SNX30: variants seen among roughly 807,000 people sequenced by gnomAD.
SNX30 encodes the protein sorting nexin family member 30.
A neutral mutation model predicts 46.4 loss-of-function variants in SNX30; 24 were observed. That is an observed-to-expected ratio of 0.52 (90% CI 0.37 to 0.73). The LOEUF (loss-of-function observed/expected upper bound fraction) is 0.73, where lower values mean the gene tolerates loss of function less well. Ranked by LOEUF, SNX30 falls within the 30% of genes least tolerant of loss-of-function variation. The pLI, the probability that SNX30 is intolerant of heterozygous loss-of-function variation, is 0.00. For missense variants in SNX30, 533 were observed against 555.7 expected, an observed-to-expected ratio of 0.96 and a Z score of 0.41; for synonymous variants, 189 against 211.5, an observed-to-expected ratio of 0.89 and a Z score of 0.92.
At chr9:112,836,156 T>A in intron 4 of SNX30, 58 bp from the exon 5 acceptor site, 1 of 1,458,908 alleles carries the variant, frequency 6.9e-7, no homozygotes, top group Non-Finnish European at 9.2e-7. Context: ...GCTGTTTTAT[T>A]TAGTCCTGCC....
chr9:112,868,979 C>A lies in SNX30; in HGVS notation c.*136C>A. On this transcript the variant is annotated 3_prime_UTR_variant, in exon 9 of 9. Coordinates refer to ENST00000374232, the MANE Select transcript of SNX30 (RefSeq NM_001012994.2). ...TCTCTCCTTTGTGTATTTTTCCCTC[C>A]CCCACCTTTCACCCCACAGTGGTTT... 1 of 830,200 alleles carries A rather than the reference C, an allele frequency of 1.2e-6. No individual in the cohort carries two copies. The highest frequency in any genetic ancestry group is 2.0e-6 in the Non-Finnish European group (1 of 498,810). 51.4% of individuals were successfully genotyped at this position (830,200 alleles called of 1,614,324 possible). A position where few individuals can be genotyped will look rare whatever the true frequency, so the allele number is the denominator to read the frequency against.
intron 8 of SNX30, among the ~76,000 whole-genome samples, chr9:112,865,661 A>ATATATATATATGTG: frequency 3.8e-5 from 4 of 105,700 alleles, no homozygotes; most frequent in African/African-American, 3.8e-5. Context: ...ATATATATAT[A>ATATATATATATGTG]TGTATGTATG....
rs916646412 is a variant in SNX30 at position 112,750,885 on chromosome 9, G to C, written c.-117G>C. 1 of 991,594 alleles carries C rather than the reference G, an allele frequency of 1.0e-6. No individual in the cohort carries two copies. Among genetic ancestry groups the C allele is most frequent in the African/African-American group, 1.7e-5 (1 of 57,706 alleles). The allele number at this position is 991,594 out of a possible 1,614,324, so 61.4% of individuals were successfully genotyped here. The stretch of plus-strand genomic sequence containing the variant: ...GTGGCGGCGGCCCCCAGCACGGCCG[G>C]TGCAAGGCCTCGGGTTAAGCGGCGG... On this transcript the variant is annotated 5_prime_UTR_variant, in exon 1 of 9. Transcript: ENST00000374232.
At chr9:112,775,395 A>G (rs934679323) in intron 1 of SNX30, among the ~76,000 whole-genome samples, 1 of 151,532 alleles carries the variant, frequency 6.6e-6, no homozygotes, top group Non-Finnish European at 1.5e-5. Context: ...CCTCAGGCCC[A>G]CCTTGGCCTC....
At chr9:112,795,057 C>A (rs1411385951) in intron 1 of SNX30, among the ~76,000 whole-genome samples, 1 of 151,964 alleles carries the variant, frequency 6.6e-6, no homozygotes, top group East Asian at 1.9e-4. Context: ...TATTTGAGGC[C>A]CCAACTGTGG....
At chr9:112,768,959 G>A (rs1320202917) in intron 1 of SNX30, among the ~76,000 whole-genome samples, 1 of 151,924 alleles carries the variant, frequency 6.6e-6, no homozygotes, top group Non-Finnish European at 1.5e-5. Context: ...TAATTCTAAC[G>A]GGCAGCCAAG....
At chr9:112,780,072 C>T (rs1195107664) in intron 1 of SNX30, among the ~76,000 whole-genome samples, 2 of 152,216 alleles carry the variant, frequency 1.3e-5, no homozygotes, top group Admixed American at 6.5e-5. Flanking sequence ...TGGGGACCAA[C>T]GTGCTGCTTC....
chr9:112,758,928 G>GA (rs746221909), intron 1 of SNX30, among the ~76,000 whole-genome samples: 2 of 152,034 alleles, frequency 1.3e-5, no homozygotes, highest in Non-Finnish European at 2.9e-5. Flanking sequence ...AATATAGTGA[G>GA]AACTTGTCTC....
intron 1 of SNX30, among the ~76,000 whole-genome samples, chr9:112,779,392 A>G (rs1209882743): frequency 6.6e-6 from 1 of 152,094 alleles, no homozygotes; most frequent in African/African-American, 2.4e-5. Flanking sequence ...GCTCAAGTGA[A>G]CACATAGAAG....
chr9:112,753,940 G>A (rs183689325), intron 1 of SNX30, among the ~76,000 whole-genome samples: 1 of 152,248 alleles, frequency 6.6e-6, no homozygotes. Flanking sequence ...CTTCCCTGTG[G>A]CTGGCTTTCT....
intron 7 of SNX30, among the ~76,000 whole-genome samples, chr9:112,859,507 T>C (rs1841194004): frequency 6.6e-6 from 1 of 152,230 alleles, no homozygotes; most frequent in Admixed American, 6.5e-5. Flanking sequence ...AGTAGTTCTA[T>C]TTTAAAATTT....
At chr9:112,761,155 T>TTTTGTTTG (rs144683493) in intron 1 of SNX30, among the ~76,000 whole-genome samples, 5 of 151,624 alleles carry the variant, frequency 3.3e-5, no homozygotes, top group African/African-American at 1.2e-4. Context: ...GAGGGCGTGG[T>TTTTGTTTG]TTTGTTTGTT....
At chr9:112,851,066 ATGT>A (rs1293159778) in intron 7 of SNX30, 121 bp downstream of exon 7, 12 of 605,446 alleles carry the variant, frequency 2.0e-5, no homozygotes, top group East Asian at 1.2e-4. Flanking sequence ...TACGTTGATG[ATGT>A]TGTCCTTTTT....
chr9:112,783,224 G>A (rs890322214), intron 1 of SNX30, among the ~76,000 whole-genome samples: 4 of 152,164 alleles, frequency 2.6e-5, no homozygotes, highest in African/African-American at 7.2e-5. Context: ...GACGGTGAAG[G>A]GCTACTAGCC....
chr9:112,787,304 ATGAAG>A (rs1023091851), intron 1 of SNX30, among the ~76,000 whole-genome samples: 5 of 152,236 alleles, frequency 3.3e-5, no homozygotes, highest in African/African-American at 1.2e-4. Flanking sequence ...GGAGAAAAAA[ATGAAG>A]TGAAGACACT....
chr9:112,834,035 A>G (rs538190380), intron 4 of SNX30, among the ~76,000 whole-genome samples: 29 of 152,286 alleles, frequency 1.9e-4, no homozygotes, highest in Non-Finnish European at 3.7e-4. Flanking sequence ...TGGTAGGGCA[A>G]GGCCCTCGGT....
intron 1 of SNX30, among the ~76,000 whole-genome samples, chr9:112,788,244 A>T (rs975155652): frequency 2.0e-5 from 3 of 152,024 alleles, no homozygotes; most frequent in African/African-American, 7.2e-5. Context: ...ATCAACAAGC[A>T]CATACTCAGC....
chr9:112,845,844 T>C (rs1840933545), intron 6 of SNX30, among the ~76,000 whole-genome samples: 1 of 152,056 alleles, frequency 6.6e-6, no homozygotes, highest in African/African-American at 2.4e-5. Flanking sequence ...CTTGGATGAG[T>C]GGACAGACAA....
chr9:112,841,383 G>A (rs777598123), intron 6 of SNX30, among the ~76,000 whole-genome samples: 1 of 152,188 alleles, frequency 6.6e-6, no homozygotes, highest in Non-Finnish European at 1.5e-5. Flanking sequence ...ACATTTGTTT[G>A]CTCTTTCTTT....
Sources: allele counts gnomAD v4.1 joint callset (sites outside exome capture counted in the v4.1 genomes callset), GRCh38; gene constraint gnomAD v4.1.1; transcripts MANE v1.5; gene names NCBI Gene and HGNC (gene_info 2026-07-23, HGNC 2026-07-21).